The following BCAR1 variants were observed in gnomAD, a reference collection of about 807,000 sequenced individuals.
BCAR1 encodes breast cancer anti-estrogen resistance protein 1.
In BCAR1, 30 loss-of-function variants were observed where a neutral mutation model predicts 67.6. That is an observed-to-expected ratio of 0.44 (90% CI 0.33 to 0.60). The LOEUF (loss-of-function observed/expected upper bound fraction) is 0.60, where lower values mean the gene tolerates loss of function less well. Among genes scored for constraint, BCAR1 ranks in the 20% least tolerant of loss-of-function variants. The probability of loss-of-function intolerance (pLI) is 0.02; values close to 1 mark genes in which losing one functional copy is unlikely to be tolerated. For missense variants in BCAR1, 1,313 were observed against 1,222.3 expected, an observed-to-expected ratio of 1.07 and a Z score of -1.11; for synonymous variants, 626 against 556.7, an observed-to-expected ratio of 1.12 and a Z score of -1.75.
chr16:75,266,601 G>A, intron 1 of BCAR1: 1 of 694,970 alleles, frequency 1.4e-6, no homozygotes, highest in East Asian at 3.4e-5. Flanking sequence ...CCCACACATG[G>A]CACCTGCAGC....
At position 75,258,961 on chromosome 16, in the gene BCAR1, A is replaced by AAGG. The variant is rs139887390; in HGVS notation, c.66+8951_66+8953dup. ...AGCCCAGGAATCTGCGTGGCCTGGG[A>AAGG]AGGAGGAGGAGGAGGGACGCAGGTA... On this transcript the variant is annotated intron_variant, in intron 1 of 6. Transcript: ENST00000393422. Among the ~76,000 whole-genome samples, 807 of 152,242 alleles carry AAGG rather than the reference A, an allele frequency of 5.3e-3. 3 individuals are homozygous for AAGG. The highest frequency in any genetic ancestry group is 0.019 in the African/African-American group (778 of 41,550).
At chr16:75,250,889 C>A in intron 1 of BCAR1, 1 of 985,558 alleles carries the variant, frequency 1.0e-6, no homozygotes, top group Non-Finnish European at 1.2e-6. Context: ...CCGCGGCGCG[C>A]CCGCCCCCAC....
chr16:75,263,628 A>C, intron 1 of BCAR1: 1 of 985,330 alleles, frequency 1.0e-6, no homozygotes, highest in Non-Finnish European at 1.2e-6. Context: ...CCAGCCCACC[A>C]ATCTCTCACC....
intron 4 of BCAR1, chr16:75,236,187 T>C (rs1597190263): frequency 1.6e-6 from 1 of 639,068 alleles, no homozygotes. Context: ...CTCGCAGCCC[T>C]AGCACACACA....
At chr16:75,236,464 A>T in intron 4 of BCAR1, 1 of 334,668 alleles carries the variant, frequency 3.0e-6, no homozygotes, top group Non-Finnish European at 5.5e-6. Context: ...ACCACGTGTG[A>T]ACTTTCTACT....
intron 1 of BCAR1, 22 bp from the exon 2 acceptor site, chr16:75,243,112 G>T (rs369167667): frequency 1.3e-6 from 2 of 1,563,028 alleles, no homozygotes; most frequent in Non-Finnish European, 1.7e-6. Context: ...GGACACAGGT[G>T]TGAGAACAGA....
intron 1 of BCAR1, chr16:75,249,441 G>C (rs940571499): frequency 6.6e-6 from 1 of 152,286 alleles, no homozygotes; most frequent in African/African-American, 2.4e-5. Flanking sequence ...ACAGAGGGCA[G>C]AGCCCCACCC....
At chr16:75,238,960 C>T (rs1394976907) in intron 2 of BCAR1, 1 of 985,384 alleles carries the variant, frequency 1.0e-6, no homozygotes, top group African/African-American at 1.7e-5. Context: ...GAGCATCCTC[C>T]AAAAGCACCC....
At chr16:75,243,200 A>C in intron 1 of BCAR1, 110 bp from the exon 2 acceptor site, 2 of 1,178,794 alleles carry the variant, frequency 1.7e-6, no homozygotes, top group Non-Finnish European at 2.4e-6. Flanking sequence ...TACTAGGAAA[A>C]GAACTCAGTG....
upstream of BCAR1, among the ~76,000 whole-genome samples, chr16:75,255,485 T>G (rs1211802056): frequency 1.3e-5 from 2 of 152,118 alleles, no homozygotes; most frequent in African/African-American, 4.8e-5. Flanking sequence ...CTCAGCACTT[T>G]AGGAGGTCGA....
chr16:75,251,492 C>A lies in BCAR1; in HGVS notation c.-10G>T. On this transcript the variant is annotated 5_prime_UTR_variant, in exon 1 of 7. Coordinates refer to ENST00000162330, the MANE Select transcript of BCAR1 (RefSeq NM_014567.5). ...TCACCAGGTGGTTCATGGTGTCCGG[C>A]GGGCCTGGGGCCCCGGCTCTCGCGG... 1 of 1,390,412 alleles carries A rather than the reference C, an allele frequency of 7.2e-7. No homozygotes were observed. The highest frequency in any genetic ancestry group is 9.4e-7 in the Non-Finnish European group (1 of 1,068,428). The allele number at this position is 1,390,412 out of a possible 1,614,324, so 86.1% of individuals were successfully genotyped here.
chr16:75,238,950 G>A (rs1229985685), intron 2 of BCAR1: 2 of 985,286 alleles, frequency 2.0e-6, no homozygotes, highest in South Asian at 4.7e-5. Flanking sequence ...CAGGAGGGAT[G>A]AGCATCCTCC....
At position 75,235,684 on chromosome 16, in the gene BCAR1, G is replaced by A. The variant is rs61729594; in HGVS notation, c.1215C>T (p.Val405=). The change falls in exon 5 of 7, where the codon GTC becomes GTT. Residue 405 remains valine (V), a synonymous_variant. Transcript: ENST00000162330. ...GAGGCACCGCATACACACCACTGTC[G>A]ACCACGCCACCATCAGCCACCTCAG... ...LPPEVADGGV[V]DSGVYAVPPP... 1.2e-3 allele frequency: 2,010 copies of A among 1,611,470 alleles called. 17 individuals carry two copies. The African/African-American group carries it at 0.024, about 19-fold the overall frequency.
intron 1 of BCAR1, chr16:75,267,832 G>T: frequency 6.9e-7 from 1 of 1,444,518 alleles, no homozygotes; most frequent in Non-Finnish European, 9.5e-7. Flanking sequence ...GCCTCTTACC[G>T]CCCCAGGGGC....
Position 75,235,995 on chromosome 16 carries a change from C to A in BCAR1, c.913-9G>T. ...GGAGGAACGTCGTAGACCTGGGGGA[C>A]AAGCGGTGGTCAAGACTGTCCATCT... On this transcript the variant is annotated splice_polypyrimidine_tract_variant and intron_variant, in intron 4 of 6. Coordinates refer to ENST00000162330, the MANE Select transcript of BCAR1 (RefSeq NM_014567.5). 6.4e-7 allele frequency: 1 copy of A among 1,563,018 alleles called. No homozygotes were observed. Among genetic ancestry groups the A allele is most frequent in the South Asian group, 1.2e-5 (1 of 85,068 alleles).
In BCAR1 at chr16:75,235,631, T is replaced by A. The variant is rs1446576671; in HGVS notation, c.1268A>T (p.Glu423Val). Residue 423 changes from glutamate (E) to valine (V), a missense_variant, in exon 5 of 7, where the codon GAG becomes GTG. Glu to Val is a moderately radical substitution (Grantham distance 121). Coordinates refer to ENST00000162330, the MANE Select transcript of BCAR1 (RefSeq NM_014567.5). ...PPPAEREAPAEGKRLSASSTG... is the reference protein window; with the variant it reads ...PPPAEREAPAVGKRLSASSTG... ...GCTGGAGGCCGACAGGCGCTTGCCCTCTGCCGGGGCTTCACGTTCAGCTGG... is the reference window on the plus strand; with the variant it reads ...GCTGGAGGCCGACAGGCGCTTGCCCACTGCCGGGGCTTCACGTTCAGCTGG... 1 of 1,605,372 alleles carries A rather than the reference T, an allele frequency of 6.2e-7. No individual in the cohort carries two copies. The highest frequency in any genetic ancestry group is 1.3e-5 in the African/African-American group (1 of 74,774).
chr16:75,231,099 T>C (rs1000001749), intron 6 of BCAR1, among the ~76,000 whole-genome samples: 38 of 136,956 alleles, frequency 2.8e-4, no homozygotes, highest in African/African-American at 9.6e-4. Context: ...CAGGCTAATC[T>C]TTTTTTTTTT....
In BCAR1 at chr16:75,235,288, C is replaced by G; in HGVS notation, c.1611G>C (p.Leu537=). Residue 537 remains leucine (L), a synonymous_variant, in exon 5 of 7, where the codon CTG becomes CTC. Transcript: ENST00000162330. ...GNAAHTSDRA[L]HAKLSRQLQK... is the part of the protein sequence containing the mutation. ...GCAGCTGCCGGCTAAGCTTGGCATG[C>G]AGGGCACGGTCAGATGTGTGGGCAG... 1 of 1,606,136 alleles carries G rather than the reference C, an allele frequency of 6.2e-7. No homozygotes were observed. Among genetic ancestry groups the G allele is most frequent in the Non-Finnish European group, 8.5e-7 (1 of 1,174,670 alleles).
intron 2 of BCAR1, among the ~76,000 whole-genome samples, chr16:75,240,867 G>A (rs564837300): frequency 6.6e-6 from 1 of 152,240 alleles, no homozygotes; most frequent in African/African-American, 2.4e-5. Context: ...ATGCAATTGA[G>A]AGCAGGCCCC....
Sources: allele counts gnomAD v4.1 joint callset (sites outside exome capture counted in the v4.1 genomes callset), GRCh38; gene constraint gnomAD v4.1.1; transcripts MANE v1.5; gene names NCBI Gene and HGNC (gene_info 2026-07-23, HGNC 2026-07-21).